CAPN1: variants seen among roughly 807,000 people sequenced by gnomAD.
The protein encoded by CAPN1 is calpain-1 catalytic subunit.
Under a neutral mutation model 105.2 loss-of-function variants are expected in CAPN1, and 77 were observed. That is an observed-to-expected ratio of 0.73 (90% confidence interval 0.61 to 0.88). The LOEUF is 0.88. Among genes scored for constraint, CAPN1 ranks in the 40% least tolerant of loss-of-function variants. The pLI is 0.00. For synonymous variants in CAPN1, 355 were observed against 388.8 expected (o/e 0.91, Z 1.02); for missense variants, 833 against 976.6 (o/e 0.85, Z 1.96).
chr11:65,188,266 A>AC lies in CAPN1; in HGVS notation c.930-143dup. 1 of 742,166 alleles carries AC rather than the reference A, an allele frequency of 1.3e-6. No homozygotes were observed. Among genetic ancestry groups the AC allele is most frequent in the Non-Finnish European group, 2.2e-6 (1 of 453,122 alleles). The allele number at this position is 742,166 out of a possible 1,614,324, so 46.0% of individuals were successfully genotyped here. ...GCATCAGACTGGCCCTGATGAGACC[A>AC]CCCCCTAGAAGCGGAACCTTGGCGC... On this transcript the variant is annotated intron_variant, in intron 8 of 21. Transcript: ENST00000279247. The surrounding 1 kb of genome is among the most constrained non-coding windows in gnomAD (Gnocchi z 5.5).
In CAPN1 at chr11:65,206,480, C is replaced by T. The variant is rs544379759; in HGVS notation, c.1371C>T (p.Ala457=). The T allele has an allele frequency of 7.3e-5, 117 of 1,613,168 alleles. No individual in the cohort carries two copies. The highest frequency in any genetic ancestry group is 2.9e-4 in the East Asian group (13 of 44,856). ...EVPPELVGQP[A]VHLKRDFFLA... ...CCCACCAGCTGGTGGGCCAGCCGGCCGTACACTTGAAGCGTGACTTCTTCC... is the reference window on the plus strand; with the variant it reads ...CCCACCAGCTGGTGGGCCAGCCGGCTGTACACTTGAAGCGTGACTTCTTCC... The change falls in exon 13 of 22, where the codon GCC becomes GCT. Residue 457 remains alanine (A), a synonymous_variant. Coordinates refer to ENST00000279247, the MANE Select transcript of CAPN1 (RefSeq NM_005186.4).
chr11:65,206,857 C>A, intron 14 of CAPN1, 38 bp downstream of exon 14: 1 of 1,589,030 alleles, frequency 6.3e-7, no homozygotes, highest in Non-Finnish European at 8.6e-7. Flanking sequence ...GTCCTCCTCT[C>A]TTCCTCACCC....
intron 10 of CAPN1, among the ~76,000 whole-genome samples, chr11:65,193,194 T>C (rs1233966100): frequency 6.8e-6 from 1 of 146,154 alleles, no homozygotes; most frequent in African/African-American, 2.5e-5. Context: ...GGTTTCACCA[T>C]GGTCTCGATC....
In CAPN1 at chr11:65,211,966, G is replaced by A. The variant is rs1949058146; in HGVS notation, c.*680G>A. The A allele has an allele frequency of 6.6e-6, 1 of 152,470 alleles. No individual in the cohort carries two copies. The highest frequency in any genetic ancestry group is 2.1e-4 in the South Asian group (1 of 4,846). 9.4% of individuals were successfully genotyped at this position (152,470 alleles called of 1,614,324 possible). ...GTGGGGAGGTCCCGTGTTCCATATA[G>A]AGGAACCCCAAATAATAAAAGGCCC... On this transcript the variant is annotated 3_prime_UTR_variant, in exon 22 of 22. Transcript: ENST00000279247.
intron 10 of CAPN1, among the ~76,000 whole-genome samples, chr11:65,197,047 A>G (rs1590857978): frequency 6.6e-6 from 1 of 152,368 alleles, no homozygotes; most frequent in East Asian, 1.9e-4. Context: ...GATTTAAGCA[A>G]CTTGATGAAG....
intron 10 of CAPN1, among the ~76,000 whole-genome samples, chr11:65,198,888 G>A (rs17881194): frequency 0.027 from 4,162 of 152,200 alleles, 183 homozygotes; most frequent in African/African-American, 0.093. Flanking sequence ...AGGCTGGAGT[G>A]CAGTGGCGCG....
intron 10 of CAPN1, among the ~76,000 whole-genome samples, chr11:65,199,046 G>C (rs752459566): frequency 3.9e-5 from 6 of 152,104 alleles, no homozygotes; most frequent in Non-Finnish European, 5.9e-5. Context: ...TGTTGACCAG[G>C]CTAGTCTCGA....
At position 65,188,749 on chromosome 11, in the gene CAPN1, G is replaced by A. The variant is rs1948678954; in HGVS notation, c.1165+3G>A. 4 of 1,556,094 alleles carry A rather than the reference G, an allele frequency of 2.6e-6. No homozygotes were observed. Among genetic ancestry groups the A allele is most frequent in the African/African-American group, 1.4e-5 (1 of 73,344 alleles). On this transcript the variant is annotated splice_donor_region_variant and intron_variant, in intron 10 of 21. Transcript: ENST00000279247. The surrounding 1 kb of genome is among the most constrained non-coding windows in gnomAD (Gnocchi z 5.5). ...GGGGGGCTGCCGAAACTACCCAGGT[G>A]CACAGGGGCGGGCTCTGGGTCTTGC...
intron 10 of CAPN1, among the ~76,000 whole-genome samples, chr11:65,202,978 A>T (rs558879948): frequency 6.6e-6 from 1 of 152,158 alleles, no homozygotes; most frequent in African/African-American, 2.4e-5. Context: ...GAACAGGATC[A>T]TATAATACAT....
intron 6 of CAPN1, among the ~76,000 whole-genome samples, 161 bp downstream of exon 6, chr11:65,186,499 C>A (rs900076884): frequency 2.9e-4 from 44 of 152,208 alleles, no homozygotes; most frequent in African/African-American, 9.9e-4. Context: ...TTCCACCCCC[C>A]ATGCCTGGTG....
At chr11:65,183,673 C>A in intron 4 of CAPN1, 81 bp downstream of exon 4, 1 of 952,144 alleles carries the variant, frequency 1.1e-6, no homozygotes, top group South Asian at 1.4e-5. Flanking sequence ...GCAGTTAGGG[C>A]CACACCCTGT....
At chr11:65,207,679 G>A (rs1324752528) in intron 14 of CAPN1, among the ~76,000 whole-genome samples, 4 of 151,668 alleles carry the variant, frequency 2.6e-5, no homozygotes, top group African/African-American at 7.3e-5. Flanking sequence ...TTGGGAGGTT[G>A]AGGCGGGCGG....
rs1250162636 is a variant in CAPN1 at position 65,206,582 on chromosome 11, C to T, written c.1473C>T (p.Pro491=). ...TCAGCACCCGCTTCCGCCTGCCACC[C>T]GGGGAGTATGTGGTGGTGCCCTCCA... ...REVSTRFRLP[P]GEYVVVPSTF... is the part of the protein sequence containing the mutation. The change falls in exon 13 of 22, where the codon CCC becomes CCT. Residue 491 remains proline, a synonymous_variant. Coordinates refer to ENST00000279247, the MANE Select transcript of CAPN1 (RefSeq NM_005186.4). 25 of 1,613,360 alleles carry T rather than the reference C, an allele frequency of 1.5e-5. No individual in the cohort carries two copies. The highest frequency in any genetic ancestry group is 4.0e-5 in the African/African-American group (3 of 74,946).
intron 12 of CAPN1, 114 bp from the exon 13 acceptor site, chr11:65,206,349 C>T: frequency 1.3e-6 from 1 of 781,714 alleles, no homozygotes; most frequent in Non-Finnish European, 2.2e-6. Context: ...AGCCATGCCC[C>T]AGCTCTCCAG....
chr11:65,210,334 A>G lies in CAPN1; in HGVS notation c.1943-2A>G. The G allele has an allele frequency of 6.2e-7, 1 of 1,603,918 alleles. No homozygotes were observed. On this transcript the variant is annotated splice_acceptor_variant, in intron 19 of 21. Transcript: ENST00000279247. LOFTEE classifies it high-confidence loss of function. The surrounding 1 kb of genome is among the most constrained non-coding windows in gnomAD (Gnocchi z 4.3). ...TGACCTTCACTCACTCTCCTGGACC[A>G]GGCTTCAAGCTCAACAAGAAGCTGT...
chr11:65,185,813 T>C, intron 4 of CAPN1, 104 bp from the exon 5 acceptor site: 1 of 1,181,290 alleles, frequency 8.5e-7, no homozygotes, highest in Non-Finnish European at 1.2e-6. Context: ...GTATCTAGTA[T>C]GTATCTGGGA....
intron 10 of CAPN1, among the ~76,000 whole-genome samples, chr11:65,196,458 G>A (rs1005155572): frequency 2.0e-5 from 3 of 151,760 alleles, no homozygotes; most frequent in Admixed American, 1.3e-4. Context: ...GGGATCCATC[G>A]CCTCAAACAT....
At chr11:65,206,844 C>G (rs1948968970) in intron 14 of CAPN1, 25 bp downstream of exon 14, 1 of 1,603,782 alleles carries the variant, frequency 6.2e-7, no homozygotes, top group African/African-American at 1.3e-5. Flanking sequence ...CCCACCAGGC[C>G]CCGTCCTCCT....
intron 12 of CAPN1, 185 bp from the exon 13 acceptor site, chr11:65,206,278 C>A (rs1011696671): frequency 9.9e-6 from 6 of 604,416 alleles, no homozygotes; most frequent in Non-Finnish European, 1.8e-5. Context: ...AGGGTTGTTA[C>A]ATTTTACAGA....
Sources: allele counts gnomAD v4.1 joint callset (sites outside exome capture counted in the v4.1 genomes callset), GRCh38; gene constraint gnomAD v4.1.1; non-coding constraint Gnocchi (gnomAD v3.1); transcripts MANE v1.5; gene names NCBI Gene and HGNC (gene_info 2026-07-23, HGNC 2026-07-21).